RBMS3: variants seen among roughly 807,000 people sequenced by gnomAD.
RBMS3 encodes the protein RNA binding motif single stranded interacting protein 3.
A neutral mutation model predicts 66.8 loss-of-function variants in RBMS3; 27 were observed. That is an observed-to-expected ratio of 0.40 (90% confidence interval 0.30 to 0.56). The LOEUF (loss-of-function observed/expected upper bound fraction) is 0.56, where lower values mean the gene tolerates loss of function less well. Among genes scored for constraint, RBMS3 ranks in the 20% least tolerant of loss-of-function variants. RBMS3 has a pLI of 0.40. For missense variants in RBMS3, 513 were observed against 549.5 expected (o/e 0.93, Z 0.66); for synonymous variants, 188 against 183.0 (o/e 1.03, Z -0.22).
chr3:29,817,192 C>CT (rs373365962), intron 6 of RBMS3, among the ~76,000 whole-genome samples: 8,995 of 127,178 alleles, frequency 0.071, 597 homozygotes, highest in Middle Eastern at 0.1. Context: ...ATTTTCTTTT[C>CT]TTTTTTTTTT....
intron 2 of RBMS3, among the ~76,000 whole-genome samples, chr3:29,477,004 A>G (rs1015360078): frequency 2.0e-5 from 3 of 152,228 alleles, no homozygotes; most frequent in Admixed American, 2.0e-4. Flanking sequence ...TATTCATAGT[A>G]ATACTCAAAA....
intron 3 of RBMS3, among the ~76,000 whole-genome samples, chr3:29,585,731 T>G (rs1205835173): frequency 6.6e-6 from 1 of 152,122 alleles, no homozygotes; most frequent in East Asian, 1.9e-4. Flanking sequence ...TACTGGGTAG[T>G]AATACTTACA....
In RBMS3 at chr3:29,643,752, GAGAC is replaced by G. The variant is rs1360899098; in HGVS notation, c.399+56550_399+56553del. Among the ~76,000 whole-genome samples the G allele has an allele frequency of 2.0e-5, 3 of 152,218 alleles. No individual in the cohort carries two copies. In the East Asian group the frequency reaches 5.8e-4, roughly 29 times the overall value. On this transcript the variant is annotated intron_variant, in intron 4 of 14. Transcript: ENST00000383767. ...TTTCTAGAGAAAAGGCCGGAGAAAA[GAGAC>G]AGTTAATGGATATTTAGTTCTGTCG...
chr3:29,730,838 C>T, intron 4 of RBMS3: 12 of 967,788 alleles, frequency 1.2e-5, no homozygotes, highest in Non-Finnish European at 1.5e-5. Context: ...TAAAATAAAA[C>T]TATAGAGAGA....
At position 29,988,221 on chromosome 3, in the gene RBMS3, G is replaced by A; in HGVS notation, c.1177G>A (p.Glu393Lys). 1 of 1,604,286 alleles carries A rather than the reference G, an allele frequency of 6.2e-7. No individual in the cohort carries two copies. Among genetic ancestry groups the A allele is most frequent in the African/African-American group, 1.3e-5 (1 of 74,820 alleles). Reference protein sequence around the residue: ...TPVPPTAVSIEGVVADTSPQT... With the variant: ...TPVPPTAVSIKGVVADTSPQT... ...TGTGCCTCCGACAGCTGTTTCTATT[G>A]AAGTAAGTCTACCCCTGTCTAATAA... The change falls in exon 13 of 15, where the codon GAA becomes AAA. Residue 393 changes from glutamate to lysine, a missense_variant and splice_region_variant. Transcript: ENST00000383767.
chr3:29,813,309 G>A (rs937001550), intron 6 of RBMS3, among the ~76,000 whole-genome samples: 2 of 151,906 alleles, frequency 1.3e-5, no homozygotes, highest in Non-Finnish European at 2.9e-5. Context: ...TATAAAAATA[G>A]CATTTCCATA....
intron 4 of RBMS3, among the ~76,000 whole-genome samples, chr3:29,588,508 A>G (rs2047612338): frequency 6.6e-6 from 1 of 152,060 alleles, no homozygotes; most frequent in Admixed American, 6.6e-5. Context: ...CTTCATCTTC[A>G]GTTGTCTTCT....
At chr3:29,994,284 C>A (rs935196613) in intron 14 of RBMS3, among the ~76,000 whole-genome samples, 2 of 152,230 alleles carry the variant, frequency 1.3e-5, no homozygotes, top group East Asian at 1.9e-4. Flanking sequence ...GTCCTACCCC[C>A]ACGGAGTCTC....
At chr3:29,646,817 A>G (rs2049941015) in intron 4 of RBMS3, among the ~76,000 whole-genome samples, 1 of 151,990 alleles carries the variant, frequency 6.6e-6, no homozygotes, top group Non-Finnish European at 1.5e-5. Flanking sequence ...TTTAAAGTAG[A>G]TATTCTGTTT....
intron 6 of RBMS3, among the ~76,000 whole-genome samples, chr3:29,807,525 A>G (rs1394319077): frequency 1.3e-5 from 2 of 152,066 alleles, no homozygotes; most frequent in East Asian, 3.9e-4. Flanking sequence ...TTGTACAAAG[A>G]TATTCACTGC....
chr3:29,849,953 T>A (rs1007812345), intron 6 of RBMS3, among the ~76,000 whole-genome samples: 1 of 152,246 alleles, frequency 6.6e-6, no homozygotes, highest in African/African-American at 2.4e-5. Context: ...TTTGCAGCCT[T>A]ATTTCTTTCT....
intron 6 of RBMS3, among the ~76,000 whole-genome samples, chr3:29,772,077 TCAGAGTGATG>T (rs2056230671): frequency 6.6e-6 from 1 of 151,590 alleles, no homozygotes; most frequent in Non-Finnish European, 1.5e-5. Context: ...GAAGAGGAGG[TCAGAGTGATG>T]CAGTGTGCAA....
intron 1 of RBMS3, among the ~76,000 whole-genome samples, chr3:29,428,914 CT>C (rs2041071492): frequency 6.6e-6 from 1 of 152,146 alleles, no homozygotes; most frequent in Non-Finnish European, 1.5e-5. Context: ...GAAAAAGAGC[CT>C]TTTAACCTTC....
intron 1 of RBMS3, among the ~76,000 whole-genome samples, chr3:29,291,392 C>T (rs1347001356): frequency 3.3e-5 from 5 of 151,866 alleles, no homozygotes. Flanking sequence ...ATGTCATTAA[C>T]ATTCTTTGGC....
At chr3:29,652,117 A>G (rs1297733754) in intron 4 of RBMS3, among the ~76,000 whole-genome samples, 1 of 152,266 alleles carries the variant, frequency 6.6e-6, no homozygotes, top group East Asian at 1.9e-4. Context: ...GATGTCTTTC[A>G]TCCCGAACAA....
At chr3:29,910,690 C>G (rs1238029748) in intron 10 of RBMS3, among the ~76,000 whole-genome samples, 5 of 151,380 alleles carry the variant, frequency 3.3e-5, no homozygotes, top group Non-Finnish European at 7.4e-5. Flanking sequence ...TTTTATAGGT[C>G]AACCAATTAG....
chr3:29,515,364 T>C (rs1250797270), intron 3 of RBMS3, among the ~76,000 whole-genome samples: 1 of 152,200 alleles, frequency 6.6e-6, no homozygotes, highest in Non-Finnish European at 1.5e-5. Context: ...GAATGCAAGC[T>C]CGTCTTATGG....
chr3:29,447,587 G>T, intron 2 of RBMS3, among the ~76,000 whole-genome samples: 1 of 152,158 alleles, frequency 6.6e-6, no homozygotes, highest in Non-Finnish European at 1.5e-5. Flanking sequence ...GAATAGTAAA[G>T]ATAGTTAAAT....
At chr3:29,919,434 A>G (rs2060715058) in intron 10 of RBMS3, among the ~76,000 whole-genome samples, 1 of 152,174 alleles carries the variant, frequency 6.6e-6, no homozygotes, top group Non-Finnish European at 1.5e-5. Flanking sequence ...CGAGCTGTGG[A>G]ATTTCAATGC....
Sources: allele counts gnomAD v4.1 joint callset (sites outside exome capture counted in the v4.1 genomes callset), GRCh38; gene constraint gnomAD v4.1.1; transcripts MANE v1.5; gene names NCBI Gene and HGNC (gene_info 2026-07-23, HGNC 2026-07-21).